Variants in RAB7A observed in about 807,000 individuals in gnomAD.
RAB7A encodes the protein ras-related protein Rab-7a.
A neutral mutation model predicts 24.5 loss-of-function variants in RAB7A; 2 were observed. That is an observed-to-expected ratio of 0.08 (90% CI 0.03 to 0.26). The LOEUF (loss-of-function observed/expected upper bound fraction) is 0.26. Ranked by LOEUF, RAB7A falls within the 10% of genes least tolerant of loss-of-function variation. RAB7A has a pLI of 1.00. For synonymous variants in RAB7A, 100 were observed against 95.9 expected (o/e 1.04, Z -0.25); for missense variants, 118 against 255.7 (o/e 0.46, Z 3.67).
At chr3:128,798,870 AT>A in intron 3 of RAB7A, 1 of 267,720 alleles carries the variant, frequency 3.7e-6, no homozygotes, top group South Asian at 3.9e-5. Context: ...TCCCTCCTGT[AT>A]TTTCATCTCT....
At chr3:128,756,417 T>C (rs779570996) in intron 1 of RAB7A, among the ~76,000 whole-genome samples, 1 of 152,016 alleles carries the variant, frequency 6.6e-6, no homozygotes, top group Non-Finnish European at 1.5e-5. Flanking sequence ...AAAGCAGTTA[T>C]ATTTACAATA....
chr3:128,780,125 A>C (rs1188838977), intron 1 of RAB7A, among the ~76,000 whole-genome samples: 1 of 152,216 alleles, frequency 6.6e-6, no homozygotes, highest in Non-Finnish European at 1.5e-5. Flanking sequence ...CAATCCTTAA[A>C]TAAAAGCCTT....
At chr3:128,770,005 CT>C (rs766245243) in intron 1 of RAB7A, among the ~76,000 whole-genome samples, 257 of 140,712 alleles carry the variant, frequency 1.8e-3, no homozygotes, top group African/African-American at 2.4e-3. Context: ...TTCCTTTTTT[CT>C]TTTTTTTTTT....
intron 1 of RAB7A, among the ~76,000 whole-genome samples, chr3:128,734,346 G>A (rs1229604617): frequency 2.6e-5 from 4 of 151,284 alleles, no homozygotes; most frequent in Non-Finnish European, 1.5e-5. Context: ...CATGACAATC[G>A]CTCGAACCTG....
At chr3:128,744,324 C>CT (rs746708523) in intron 1 of RAB7A, among the ~76,000 whole-genome samples, 3 of 152,128 alleles carry the variant, frequency 2.0e-5, no homozygotes, top group Non-Finnish European at 4.4e-5. Context: ...GAGATGAAAA[C>CT]TTTATTAGAG....
intron 1 of RAB7A, among the ~76,000 whole-genome samples, chr3:128,734,631 C>T (rs1232802914): frequency 8.0e-6 from 1 of 125,648 alleles, no homozygotes; most frequent in Non-Finnish European, 1.8e-5. Context: ...GTAGATCTAA[C>T]CATAGTAGAT....
chr3:128,737,253 A>G lies in RAB7A; in HGVS notation c.-9+10894A>G, dbSNP rs564058288. On this transcript the variant is annotated intron_variant, in intron 1 of 5. Coordinates refer to ENST00000265062, the MANE Select transcript of RAB7A (RefSeq NM_004637.6). The stretch of plus-strand genomic sequence containing the variant: ...ACGGGGTGTCACTGTGTTAGCCAGG[A>G]TGGTCTCGATCTCCTGACCTTGTGA... Among the ~76,000 whole-genome samples the G allele has an allele frequency of 5.4e-5, 8 of 148,884 alleles. No individual in the cohort carries two copies. The East Asian group carries it at 1.5e-3, about 27-fold the overall frequency.
chr3:128,800,092 G>GA (rs1250855426), intron 3 of RAB7A, among the ~76,000 whole-genome samples: 1 of 152,126 alleles, frequency 6.6e-6, no homozygotes, highest in Non-Finnish European at 1.5e-5. Context: ...AAATGGAGCT[G>GA]AAAAAAGCAG....
chr3:128,770,330 C>T (rs951597720), intron 1 of RAB7A, among the ~76,000 whole-genome samples: 8 of 152,152 alleles, frequency 5.3e-5, no homozygotes, highest in Non-Finnish European at 1.0e-4. Context: ...CGTTTGGTGA[C>T]GTGGAACTTT....
intron 1 of RAB7A, among the ~76,000 whole-genome samples, chr3:128,753,779 A>C: frequency 6.6e-6 from 1 of 152,142 alleles, no homozygotes; most frequent in Non-Finnish European, 1.5e-5. Flanking sequence ...GTATGGCCTA[A>C]TCATCTCATG....
At chr3:128,788,594 C>G (rs1044759614) in intron 1 of RAB7A, among the ~76,000 whole-genome samples, 3 of 152,188 alleles carry the variant, frequency 2.0e-5, no homozygotes, top group South Asian at 4.1e-4. Context: ...TAAGTGGGTA[C>G]TACTATACTT....
intron 1 of RAB7A, among the ~76,000 whole-genome samples, chr3:128,756,158 A>G (rs1258962923): frequency 2.0e-5 from 3 of 152,172 alleles, no homozygotes; most frequent in East Asian, 1.9e-4. Flanking sequence ...CAACATGGTG[A>G]AACCCCGTCT....
chr3:128,782,714 T>C (rs1933247499), intron 1 of RAB7A, among the ~76,000 whole-genome samples: 1 of 151,310 alleles, frequency 6.6e-6, no homozygotes, highest in Admixed American at 6.6e-5. Flanking sequence ...ATTCTTTATG[T>C]CTTGTATAAT....
intron 3 of RAB7A, among the ~76,000 whole-genome samples, chr3:128,805,887 G>A (rs568843249): frequency 1.3e-5 from 2 of 152,190 alleles, no homozygotes; most frequent in African/African-American, 4.8e-5. Context: ...CCTGACCTCC[G>A]GTGATCCACT....
intron 1 of RAB7A, among the ~76,000 whole-genome samples, chr3:128,783,104 G>A (rs769575742): frequency 4.6e-5 from 7 of 152,122 alleles, no homozygotes; most frequent in Non-Finnish European, 1.0e-4. Flanking sequence ...CATGTCCACT[G>A]TCCCTGCACA....
At chr3:128,812,896 C>T (rs1413056639) in intron 5 of RAB7A, among the ~76,000 whole-genome samples, 2 of 152,212 alleles carry the variant, frequency 1.3e-5, no homozygotes, top group Non-Finnish European at 2.9e-5. Context: ...CGTGCACACA[C>T]TGGCTGAGGG....
intron 1 of RAB7A, among the ~76,000 whole-genome samples, chr3:128,763,222 T>C (rs955132702): frequency 3.0e-5 from 4 of 131,652 alleles, no homozygotes; most frequent in Non-Finnish European, 6.3e-5. Flanking sequence ...TTTTTTTTTT[T>C]TTTTTTTTTT....
chr3:128,787,566 T>C (rs1470540516), intron 1 of RAB7A, among the ~76,000 whole-genome samples: 3 of 152,256 alleles, frequency 2.0e-5, no homozygotes, highest in African/African-American at 7.2e-5. Context: ...GTGGATGTGA[T>C]GAACACCTGG....
chr3:128,737,614 G>A (rs1394554483), intron 1 of RAB7A, among the ~76,000 whole-genome samples: 1 of 151,136 alleles, frequency 6.6e-6, no homozygotes, highest in Admixed American at 6.6e-5. Flanking sequence ...CCAAGGTGCT[G>A]GGATTACATG....
Sources: gnomAD v4.1 joint callset for allele counts (sites outside exome capture counted in the v4.1 genomes callset) on GRCh38, gnomAD v4.1.1 for gene constraint, MANE v1.5 for transcripts, NCBI Gene and HGNC (gene_info 2026-07-23, HGNC 2026-07-21) for gene names.